The following ACTL7B variants were observed in gnomAD, a reference collection of about 807,000 sequenced individuals.
ACTL7B encodes the protein actin-like protein 7B.
A neutral mutation model predicts 17.5 loss-of-function variants in ACTL7B; 14 were observed. The ratio of observed to expected loss-of-function variants is 0.80; its 90% CI spans 0.53 to 1.25. ACTL7B has a LOEUF of 1.25. Among genes scored for constraint, ACTL7B ranks in the 50% most tolerant of loss-of-function variants. The probability of loss-of-function intolerance (pLI) is 0.00; values close to 1 mark genes in which losing one functional copy is unlikely to be tolerated. For missense variants in ACTL7B, 599 were observed against 573.9 expected, an observed-to-expected ratio of 1.04 and a Z score of -0.45; for synonymous variants, 267 against 252.4, an observed-to-expected ratio of 1.06 and a Z score of -0.55.
At position 108,855,112 on chromosome 9, in the gene ACTL7B, G is replaced by A; in HGVS notation, c.819C>T (p.Val273=). The stretch of plus-strand genomic sequence containing the variant: ...CGTAGTCCACGCGCAGCTCCTCCGG[G>A]ACCAGGCCCAGCTCCTCCTCGGGCA... The part of the protein sequence containing the change: ...AFLPEEELGL[V]PEELRVDYEL... The change falls in exon 1 of 1, where the codon GTC becomes GTT. Residue 273 remains valine, a synonymous_variant. Coordinates refer to ENST00000374667, the MANE Select transcript of ACTL7B (RefSeq NM_006686.4). 2.5e-6 allele frequency: 4 copies of A among 1,605,668 alleles called. No homozygotes were observed. Among genetic ancestry groups the A allele is most frequent in the East Asian group, 2.2e-5 (1 of 44,840 alleles).
In ACTL7B at chr9:108,855,619, G is replaced by A; in HGVS notation, c.312C>T (p.Asn104=). 6.2e-7 allele frequency: 1 copy of A among 1,613,784 alleles called. No individual in the cohort carries two copies. Among genetic ancestry groups the A allele is most frequent in the South Asian group, 1.1e-5 (1 of 91,088 alleles). The change falls in exon 1 of 1, where the codon AAC becomes AAT. Residue 104 remains asparagine, a synonymous_variant. Coordinates refer to ENST00000374667, the MANE Select transcript of ACTL7B (RefSeq NM_006686.4). The part of the protein sequence containing the change: ...KWTLVGHELL[N]TEAPLKLVNP... ...TCACCAGCTTGAGAGGCGCCTCCGT[G>A]TTGAGCAGCTCATGGCCCACTAAAG... is the stretch of plus-strand genomic sequence containing the variant.
Position 108,854,636 on chromosome 9 carries a change from C to G in ACTL7B, c.*47G>C, listed in dbSNP as rs751315015. On this transcript the variant is annotated 3_prime_UTR_variant, in exon 1 of 1. Coordinates refer to ENST00000374667, the MANE Select transcript of ACTL7B (RefSeq NM_006686.4). ...AATTCTGTAAATGTGTATAGAGAGG[C>G]CTGTGGCCATCTGTGCTGGAGGCCT... The G allele has an allele frequency of 2.8e-6, 4 of 1,438,262 alleles. No individual in the cohort carries two copies. Among genetic ancestry groups the G allele is most frequent in the Admixed American group, 5.1e-5 (2 of 39,126 alleles). The allele number at this position is 1,438,262 out of a possible 1,614,324, so 89.1% of individuals were successfully genotyped here. A position where few individuals can be genotyped will look rare whatever the true frequency, so the allele number is the denominator to read the frequency against.
chr9:108,855,506 G>A lies in ACTL7B; in HGVS notation c.425C>T (p.Pro142Leu), dbSNP rs909538683. Residue 142 changes from proline (P) to leucine (L), a missense_variant, in exon 1 of 1, where the codon CCC becomes CTC. By Grantham distance (98) the Pro-to-Leu change is moderately conservative. Coordinates refer to ENST00000374667, the MANE Select transcript of ACTL7B (RefSeq NM_006686.4). ...GGAGACCAGCACAGCGTGCTCCTCG[G>A]GGAGGATCTTCATGGCGGTGCGGAA... ...YIFRTAMKIL[P>L]EEHAVLVSDP... The A allele has an allele frequency of 1.2e-6, 2 of 1,613,456 alleles. No homozygotes were observed. The highest frequency in any genetic ancestry group is 1.7e-6 in the Non-Finnish European group (2 of 1,180,048).
Position 108,854,921 on chromosome 9 carries a change from G to A in ACTL7B, c.1010C>T (p.Ala337Val), listed in dbSNP as rs1284192216. The change falls in exon 1 of 1, where the codon GCC (alanine) becomes GTC (valine). Residue 337 changes from alanine to valine, a missense_variant. Physicochemically the swap from Ala to Val is moderately conservative, Grantham distance 64. Coordinates refer to ENST00000374667, the MANE Select transcript of ACTL7B (RefSeq NM_006686.4). ...QDTGFKEEMA[A>V]NVLLCGGCTM... ...GCAGCCGCCACACAGTAGCACGTTGGCGGCCATCTCCTCCTTGAAGCCCGT... is the reference window on the plus strand; with the variant it reads ...GCAGCCGCCACACAGTAGCACGTTGACGGCCATCTCCTCCTTGAAGCCCGT... 4 of 1,516,508 alleles carry A rather than the reference G, an allele frequency of 2.6e-6. No individual in the cohort carries two copies. The East Asian group carries it at 6.8e-5, about 26-fold the overall frequency. The allele number at this position is 1,516,508 out of a possible 1,614,324, so 93.9% of individuals were successfully genotyped here.
chr9:108,855,283 C>G lies in ACTL7B; in HGVS notation c.648G>C (p.Pro216=), dbSNP rs139284478. The G allele has an allele frequency of 8.8e-6, 14 of 1,599,220 alleles. No individual in the cohort carries two copies. The highest frequency in any genetic ancestry group is 6.7e-5 in the East Asian group (3 of 44,822). The change falls in exon 1 of 1, where the codon CCG becomes CCC. Residue 216 remains proline, a synonymous_variant. Transcript: ENST00000374667. ...CGTAGTCGGCGCGGCTGGTCAGGCC[C>G]GGCAGCACGTCGCCCTCGGATATGG... is the stretch of plus-strand genomic sequence containing the variant. ...VVPISEGDVL[P]GLTSRADYAG... is the part of the protein sequence containing the mutation.
In ACTL7B at chr9:108,854,777, G is replaced by T; in HGVS notation, c.1154C>A (p.Ser385Tyr). 1 of 1,599,490 alleles carries T rather than the reference G, an allele frequency of 6.3e-7. No individual in the cohort carries two copies. Among genetic ancestry groups the T allele is most frequent in the Non-Finnish European group, 8.5e-7 (1 of 1,172,042 alleles). Residue 385 changes from serine (S) to tyrosine (Y), a missense_variant, in exon 1 of 1, where the codon TCC becomes TAC. Physicochemically the swap from Ser to Tyr is moderately radical, Grantham distance 144. Coordinates refer to ENST00000374667, the MANE Select transcript of ACTL7B (RefSeq NM_006686.4). Reference sequence around the variant, plus strand: ...GAAGGCCTGCAGGGAGGCCAGGATGGAACCGCCGGTCCACACGGAGGTCTT... The same window carrying T: ...GAAGGCCTGCAGGGAGGCCAGGATGTAACCGCCGGTCCACACGGAGGTCTT... ...ERKTSVWTGG[S>Y]ILASLQAFQQ...
Position 108,855,540 on chromosome 9 carries a change from C to G in ACTL7B, c.391G>C (p.Glu131Gln). The G allele has an allele frequency of 6.2e-7, 1 of 1,613,658 alleles. No homozygotes were observed. The highest frequency in any genetic ancestry group is 1.7e-5 in the Admixed American group (1 of 60,032). The change falls in exon 1 of 1, where the codon GAG becomes CAG. Residue 131 changes from glutamate (E) to glutamine (Q), a missense_variant. Physicochemically the swap from Glu to Gln is conservative, Grantham distance 29. Transcript: ENST00000374667. ...TTCATGGCGGTGCGGAAGATGTACT[C>G]CCAGATGTCCTGCACGCAGTCCCAG... The part of the protein sequence containing the change: ...VDWDCVQDIW[E>Q]YIFRTAMKIL...
Position 108,855,769 on chromosome 9 carries a change from G to T in ACTL7B, c.162C>A (p.Ile54=). Residue 54 remains isoleucine, a synonymous_variant, in exon 1 of 1, where the codon ATC becomes ATA. Transcript: ENST00000374667. The part of the protein sequence containing the change: ...RKVHKIKAVI[I]DLGSQYCKCG... ...ACTTGCAGTACTGGGAGCCCAGGTC[G>T]ATGATGACCGCCTTGATCTTGTGCA... 6.2e-7 allele frequency: 1 copy of T among 1,609,694 alleles called. No individual in the cohort carries two copies.
chr9:108,855,034 A>G lies in ACTL7B; in HGVS notation c.897T>C (p.Ser299=). ...CCAGGGAGGGCTGGAAGAGCATCTC[A>G]GAGCAACGGAAGCGCTCCTGGCCAA... ...ITIGQERFRC[S]EMLFQPSLAG... Residue 299 remains serine (S), a synonymous_variant, in exon 1 of 1, where the codon TCT becomes TCC. Transcript: ENST00000374667. 6.5e-7 allele frequency: 1 copy of G among 1,527,696 alleles called. No homozygotes were observed. The highest frequency in any genetic ancestry group is 1.4e-5 in the African/African-American group (1 of 72,504). The allele number at this position is 1,527,696 out of a possible 1,614,324, so 94.6% of individuals were successfully genotyped here.
In ACTL7B at chr9:108,855,441, C is replaced by G; in HGVS notation, c.490G>C (p.Ala164Pro). ...CCGAAGGTCTCAAACATGAGCTCCG[C>G]GTACTTCTCCCGGTTGCTGCTGGGG... The part of the protein sequence containing the change: ...LSPSSNREKY[A>P]ELMFETFGIP... Residue 164 changes from alanine to proline, a missense_variant, in exon 1 of 1, where the codon GCG becomes CCG. Transcript: ENST00000374667. 6.2e-7 allele frequency: 1 copy of G among 1,613,306 alleles called. No individual in the cohort carries two copies. Among genetic ancestry groups the G allele is most frequent in the South Asian group, 1.1e-5 (1 of 91,074 alleles).
Position 108,855,175 on chromosome 9 carries a change from T to C in ACTL7B, c.756A>G (p.Ile252Met). 6.2e-7 allele frequency: 1 copy of C among 1,608,084 alleles called. No individual in the cohort carries two copies. Among genetic ancestry groups the C allele is most frequent in the Non-Finnish European group, 8.5e-7 (1 of 1,178,968 alleles). Reference sequence around the variant, plus strand: ...AGCAGCACTTCTTCTTGATGTGCTCTATGATGTGCAGGTGGTCGTCCGTGA... The same window carrying C: ...AGCAGCACTTCTTCTTGATGTGCTCCATGATGTGCAGGTGGTCGTCCGTGA... Reference protein sequence around the residue: ...HAFTDDHLHIIEHIKKKCCYA... With the variant: ...HAFTDDHLHIMEHIKKKCCYA... The change falls in exon 1 of 1, where the codon ATA becomes ATG. Residue 252 changes from isoleucine to methionine, a missense_variant. Coordinates refer to ENST00000374667, the MANE Select transcript of ACTL7B (RefSeq NM_006686.4).
rs1827080537 is a variant in ACTL7B, at chr9:108,855,331, C to T, written c.600G>A (p.Gly200=). 2 of 1,607,006 alleles carry T rather than the reference C, an allele frequency of 1.2e-6. No homozygotes were observed. The highest frequency in any genetic ancestry group is 1.7e-6 in the Non-Finnish European group (2 of 1,179,978). The stretch of plus-strand genomic sequence containing the variant: ...TGGGCACCACGTGCGAGACGCCGTG[C>T]CCGCTCTCCACCACCAGCCCCGAGG... ...GKTSGLVVES[G]HGVSHVVPIS... Residue 200 remains glycine (G), a synonymous_variant, in exon 1 of 1, where the codon GGG becomes GGA. Coordinates refer to ENST00000374667, the MANE Select transcript of ACTL7B (RefSeq NM_006686.4).
In ACTL7B at chr9:108,855,598, C is replaced by G; in HGVS notation, c.333G>C (p.Leu111=). Residue 111 remains leucine (L), a synonymous_variant, in exon 1 of 1, where the codon CTG becomes CTC. Coordinates refer to ENST00000374667, the MANE Select transcript of ACTL7B (RefSeq NM_006686.4). ...ELLNTEAPLK[L]VNPLKHGIVV... Reference sequence around the variant, plus strand: ...CGATGCCGTGCTTCAGCGGGTTCACCAGCTTGAGAGGCGCCTCCGTGTTGA... The same window carrying G: ...CGATGCCGTGCTTCAGCGGGTTCACGAGCTTGAGAGGCGCCTCCGTGTTGA... 6.2e-7 allele frequency: 1 copy of G among 1,613,832 alleles called. No homozygotes were observed. Among genetic ancestry groups the G allele is most frequent in the Non-Finnish European group, 8.5e-7 (1 of 1,180,046 alleles).
Position 108,854,794 on chromosome 9 carries a change from G to C in ACTL7B, c.1137C>G (p.Ser379=). 2 of 1,605,084 alleles carry C rather than the reference G, an allele frequency of 1.2e-6. No homozygotes were observed. ...AVAAAPERKT[S]VWTGGSILAS... Reference sequence around the variant, plus strand: ...CCAGGATGGAACCGCCGGTCCACACGGAGGTCTTCCTCTCAGGAGCGGCAG... The same window carrying C: ...CCAGGATGGAACCGCCGGTCCACACCGAGGTCTTCCTCTCAGGAGCGGCAG... The change falls in exon 1 of 1, where the codon TCC becomes TCG. Residue 379 remains serine (S), a synonymous_variant. Coordinates refer to ENST00000374667, the MANE Select transcript of ACTL7B (RefSeq NM_006686.4).
chr9:108,855,145 C>T lies in ACTL7B; in HGVS notation c.786G>A (p.Ala262=), dbSNP rs772193151. 3.1e-6 allele frequency: 5 copies of T among 1,611,084 alleles called. No individual in the cohort carries two copies. The African/African-American group carries it at 5.3e-5, about 17-fold the overall frequency. ...CCAGCTCCTCCTCGGGCAGGAAGGC[C>T]GCATAGCAGCACTTCTTCTTGATGT... ...IEHIKKKCCY[A]AFLPEEELGL... is the part of the protein sequence containing the mutation. The change falls in exon 1 of 1, where the codon GCG becomes GCA. Residue 262 remains alanine (A), a synonymous_variant. Transcript: ENST00000374667.
chr9:108,855,151 GCA>G lies in ACTL7B; in HGVS notation c.778_779del (p.Cys260LeufsTer40), dbSNP rs1827074356. Reference sequence around the variant, plus strand: ...CCTCCTCGGGCAGGAAGGCCGCATAGCAGCACTTCTTCTTGATGTGCTCTATG... The same window carrying G: ...CCTCCTCGGGCAGGAAGGCCGCATAGGCACTTCTTCTTGATGTGCTCTATG... ...HIIEHIKKKC[C>X]YAAFLPEEEL... On this transcript the variant is annotated frameshift_variant, in exon 1 of 1. Coordinates refer to ENST00000374667, the MANE Select transcript of ACTL7B (RefSeq NM_006686.4). LOFTEE classifies it high-confidence loss of function. 1.2e-6 allele frequency: 2 copies of G among 1,611,160 alleles called. No homozygotes were observed. Among genetic ancestry groups the G allele is most frequent in the Admixed American group, 3.3e-5 (2 of 59,912 alleles).
At position 108,854,691 on chromosome 9, in the gene ACTL7B, T is replaced by C. The variant is rs368861770; in HGVS notation, c.1240A>G (p.Lys414Glu). The change falls in exon 1 of 1, where the codon AAG becomes GAG. Residue 414 changes from lysine to glutamate, a missense_variant. Lys to Glu is a moderately conservative substitution (Grantham distance 56). Transcript: ENST00000374667. ...EERGSVAIYS[K>E]C ...TGTGGAAATGCCGAGGCTCAGCACT[T>C]GCTGTAGATGGCCACGCTGCCCCGC... The C allele has an allele frequency of 7.8e-5, 118 of 1,506,060 alleles. 1 individual carries two copies. Among genetic ancestry groups the C allele is most frequent in the Non-Finnish European group, 1.0e-4 (115 of 1,125,882 alleles). The allele number at this position is 1,506,060 out of a possible 1,614,324, so 93.3% of individuals were successfully genotyped here. A position where few individuals can be genotyped will look rare whatever the true frequency, so the allele number is the denominator to read the frequency against.
At position 108,855,703 on chromosome 9, in the gene ACTL7B, G is replaced by A. The variant is rs752292177; in HGVS notation, c.228C>T (p.Ser76=). Residue 76 remains serine (S), a synonymous_variant, in exon 1 of 1, where the codon TCC becomes TCT. Transcript: ENST00000374667. Reference sequence around the variant, plus strand: ...CGGGGCAGCGTTTGCCCACGGTGGAGGAGATGAAGTAGGTGGGCCTCGGCT... The same window carrying A: ...CGGGGCAGCGTTTGCCCACGGTGGAAGAGATGAAGTAGGTGGGCCTCGGCT... ...AGEPRPTYFI[S]STVGKRCPEA... 106 of 1,610,780 alleles carry A rather than the reference G, an allele frequency of 6.6e-5. No individual in the cohort carries two copies. The highest frequency in any genetic ancestry group is 8.4e-5 in the Non-Finnish European group (99 of 1,180,020).
chr9:108,855,135 G>A lies in ACTL7B; in HGVS notation c.796C>T (p.Pro266Ser), dbSNP rs1378751423. 2 of 1,610,612 alleles carry A rather than the reference G, an allele frequency of 1.2e-6. No individual in the cohort carries two copies. Among genetic ancestry groups the A allele is most frequent in the Non-Finnish European group, 1.7e-6 (2 of 1,178,818 alleles). The change falls in exon 1 of 1, where the codon CCC becomes TCC. Residue 266 changes from proline (P) to serine (S), a missense_variant. Coordinates refer to ENST00000374667, the MANE Select transcript of ACTL7B (RefSeq NM_006686.4). ...GGGACCAGGCCCAGCTCCTCCTCGG[G>A]CAGGAAGGCCGCATAGCAGCACTTC... ...KKKCCYAAFL[P>S]EEELGLVPEE...
Sources: gnomAD v4.1 joint callset for allele counts on GRCh38, gnomAD v4.1.1 for gene constraint, MANE v1.5 for transcripts, NCBI Gene and HGNC (gene_info 2026-07-23, HGNC 2026-07-21) for gene names.